FANK1: variants seen among roughly 807,000 people sequenced by gnomAD.
The protein encoded by FANK1 is fibronectin type III and ankyrin repeat domains 1.
FANK1 carries 44 observed loss-of-function variants against 45.3 expected under a neutral mutation model. The ratio of observed to expected loss-of-function variants is 0.97; its 90% CI spans 0.76 to 1.25. The LOEUF (loss-of-function observed/expected upper bound fraction) is 1.25, where lower values mean the gene tolerates loss of function less well. FANK1 is among the 50% of genes most tolerant of loss of function. The pLI is 0.00. For synonymous variants in FANK1, 149 were observed against 152.5 expected, an observed-to-expected ratio of 0.98 and a Z score of 0.17; for missense variants, 391 against 424.4, an observed-to-expected ratio of 0.92 and a Z score of 0.69.
At chr10:125,919,524 A>G (rs1178639008) in intron 1 of FANK1, among the ~76,000 whole-genome samples, 1 of 151,940 alleles carries the variant, frequency 6.6e-6, no homozygotes, top group East Asian at 1.9e-4. Flanking sequence ...TTTTTTTGTA[A>G]TGGACCTGGG....
In FANK1 at chr10:126,005,092, T is replaced by C. The variant is rs193268118; in HGVS notation, c.705+43T>C. ...TTAACCACGCACATATCGTTAAGAATCTGAAATGCTGCTCCATGGGGTCTG... is the reference window on the plus strand; with the variant it reads ...TTAACCACGCACATATCGTTAAGAACCTGAAATGCTGCTCCATGGGGTCTG... On this transcript the variant is annotated intron_variant, in intron 7 of 10. Coordinates refer to ENST00000368693, the MANE Select transcript of FANK1 (RefSeq NM_145235.5). The C allele has an allele frequency of 2.5e-4, 399 of 1,574,972 alleles. No individual in the cohort carries two copies. The African/African-American group carries it at 5.0e-3, about 20-fold the overall frequency.
rs114917678 is a variant in FANK1, at chr10:125,986,283, C to T, written c.192-2268C>T. Reference sequence around the variant, plus strand: ...AATGTGCTTAGTCTTTTTCTTGGCTCTGCTGGTGCTACACCCGAGAAGTCA... The same window carrying T: ...AATGTGCTTAGTCTTTTTCTTGGCTTTGCTGGTGCTACACCCGAGAAGTCA... On this transcript the variant is annotated intron_variant, in intron 2 of 10. Coordinates refer to ENST00000368693, the MANE Select transcript of FANK1 (RefSeq NM_145235.5). 7.2e-3 allele frequency among the ~76,000 whole-genome samples: 1,091 copies of T among 152,272 alleles called. 13 individuals carry two copies. The highest frequency in any genetic ancestry group is 0.025 in the African/African-American group (1,027 of 41,554).
chr10:125,944,305 T>C (rs1338462337), intron 1 of FANK1, among the ~76,000 whole-genome samples: 2 of 152,246 alleles, frequency 1.3e-5, no homozygotes, highest in East Asian at 3.8e-4. Flanking sequence ...CCATGAGCTA[T>C]TTTGGATAAA....
chr10:125,978,614 G>A (rs1034995155), intron 1 of FANK1, among the ~76,000 whole-genome samples: 5 of 152,192 alleles, frequency 3.3e-5, no homozygotes, highest in Non-Finnish European at 5.9e-5. Context: ...TTTCGGTAGA[G>A]CAGCTATGCT....
chr10:125,997,414 C>T lies in FANK1; in HGVS notation c.474-6C>T, dbSNP rs927981554. 1 of 1,613,384 alleles carries T rather than the reference C, an allele frequency of 6.2e-7. No homozygotes were observed. Among genetic ancestry groups the T allele is most frequent in the Non-Finnish European group, 8.5e-7 (1 of 1,179,638 alleles). The stretch of plus-strand genomic sequence containing the variant: ...ATCTAGCTACACTTAAGTTTGTTTC[C>T]TTTAGGCTTGTGAAAATCCTAGTTT... On this transcript the variant is annotated splice_polypyrimidine_tract_variant and splice_region_variant and intron_variant, in intron 5 of 10. Transcript: ENST00000368693.
At chr10:125,963,753 G>A (rs187446512) in intron 1 of FANK1, among the ~76,000 whole-genome samples, 54 of 152,218 alleles carry the variant, frequency 3.5e-4, no homozygotes, top group African/African-American at 1.2e-3. Flanking sequence ...TGGGGTGTGG[G>A]TAGGGGGGAG....
intron 1 of FANK1, among the ~76,000 whole-genome samples, chr10:125,965,217 G>A (rs1428582665): frequency 6.6e-6 from 1 of 152,158 alleles, no homozygotes; most frequent in Non-Finnish European, 1.5e-5. Context: ...CATTGTAATT[G>A]CATCATTTTG....
chr10:125,940,185 A>T (rs1445870804), intron 1 of FANK1, among the ~76,000 whole-genome samples: 3 of 152,286 alleles, frequency 2.0e-5, no homozygotes, highest in African/African-American at 7.2e-5. Flanking sequence ...GAGAAAGAAC[A>T]GTGGGCCCAG....
chr10:125,933,499 G>C (rs1947884340), intron 1 of FANK1, among the ~76,000 whole-genome samples: 1 of 152,148 alleles, frequency 6.6e-6, no homozygotes, highest in Admixed American at 6.5e-5. Flanking sequence ...ATTTCTTAAT[G>C]AGGTTGTCTG....
intron 1 of FANK1, among the ~76,000 whole-genome samples, chr10:125,962,119 G>T (rs1262822978): frequency 2.0e-5 from 3 of 152,144 alleles, no homozygotes; most frequent in Non-Finnish European, 4.4e-5. Flanking sequence ...AATATCCAAG[G>T]AGCTCGAACA....
intron 6 of FANK1, among the ~76,000 whole-genome samples, chr10:126,003,542 AT>A (rs1253283287): frequency 6.6e-6 from 1 of 151,480 alleles, no homozygotes; most frequent in Non-Finnish European, 1.5e-5. Context: ...AGGTTTCATT[AT>A]TTTTTTTAGA....
intron 1 of FANK1, among the ~76,000 whole-genome samples, chr10:125,930,260 C>T (rs73368634): frequency 0.023 from 3,499 of 152,100 alleles, 150 homozygotes; most frequent in African/African-American, 0.079. Context: ...CCTTGAACTC[C>T]TGATCTCAGG....
intron 7 of FANK1, 34 bp downstream of exon 7, chr10:126,005,083 C>G: frequency 2.5e-6 from 4 of 1,579,028 alleles, no homozygotes; most frequent in Non-Finnish European, 3.5e-6. Flanking sequence ...ACGCACATAT[C>G]GTTAAGAATC....
intron 1 of FANK1, among the ~76,000 whole-genome samples, chr10:125,898,725 T>C (rs1321147753): frequency 2.0e-5 from 3 of 152,116 alleles, no homozygotes; most frequent in Non-Finnish European, 4.4e-5. Context: ...GTGAGAAATG[T>C]ATTACTTATG....
At chr10:126,009,335 C>T (rs998763836) in intron 10 of FANK1, 38 bp from the exon 11 acceptor site, 2 of 1,613,828 alleles carry the variant, frequency 1.2e-6, no homozygotes, top group East Asian at 2.2e-5. Context: ...ACCACCAAAA[C>T]CCTGGATTAC....
chr10:126,009,426 T>C lies in FANK1; in HGVS notation c.1026T>C (p.Ser342=), dbSNP rs756760011. Residue 342 remains serine (S), a synonymous_variant, in exon 11 of 11, where the codon TCT becomes TCC. Transcript: ENST00000368693. ...ERKKKQRPKK[S]CVC Reference sequence around the variant, plus strand: ...AAAAAAAGCAGAGGCCAAAGAAGTCTTGTGTCTGCTGATGAGAGCACCACT... The same window carrying C: ...AAAAAAAGCAGAGGCCAAAGAAGTCCTGTGTCTGCTGATGAGAGCACCACT... 1 of 1,614,152 alleles carries C rather than the reference T, an allele frequency of 6.2e-7. No homozygotes were observed. The highest frequency in any genetic ancestry group is 8.5e-7 in the Non-Finnish European group (1 of 1,180,026).
intron 7 of FANK1, among the ~76,000 whole-genome samples, chr10:126,006,136 T>C (rs1564975596): frequency 6.6e-6 from 1 of 152,230 alleles, no homozygotes; most frequent in Non-Finnish European, 1.5e-5. Context: ...AGATGGTGTG[T>C]AGAGTGCTGA....
intron 1 of FANK1, among the ~76,000 whole-genome samples, chr10:125,897,021 A>G (rs1227486342): frequency 2.0e-5 from 3 of 152,304 alleles, no homozygotes; most frequent in Non-Finnish European, 4.4e-5. Flanking sequence ...AGTTTGGTTC[A>G]TTAATTGTAA....
intron 1 of FANK1, among the ~76,000 whole-genome samples, chr10:125,971,129 C>G (rs1339616879): frequency 6.6e-6 from 1 of 152,176 alleles, no homozygotes; most frequent in East Asian, 1.9e-4. Flanking sequence ...TAAGTATATA[C>G]AATCTTTTCA....
Sources: allele counts gnomAD v4.1 joint callset (sites outside exome capture counted in the v4.1 genomes callset), GRCh38; gene constraint gnomAD v4.1.1; transcripts MANE v1.5; gene names NCBI Gene and HGNC (gene_info 2026-07-23, HGNC 2026-07-21).